The following PTPRU variants were observed in gnomAD, a reference collection of about 807,000 sequenced individuals.
PTPRU encodes the protein protein tyrosine phosphatase receptor type U, also known as receptor-type tyrosine-protein phosphatase U.
PTPRU carries 69 observed loss-of-function variants against 166.3 expected under a neutral mutation model. The observed-to-expected ratio is 0.41, with a 90% CI of 0.34 to 0.51. The LOEUF (loss-of-function observed/expected upper bound fraction) is 0.51, where lower values mean the gene tolerates loss of function less well. Among genes scored for constraint, PTPRU ranks in the 20% least tolerant of loss-of-function variants. The pLI is 0.09. For missense variants in PTPRU, 1,657 were observed against 2,013.7 expected, an observed-to-expected ratio of 0.82 and a Z score of 3.39; for synonymous variants, 793 against 814.0, an observed-to-expected ratio of 0.97 and a Z score of 0.44.
At chr1:29,245,930 G>A (rs1402371450) in intron 1 of PTPRU, among the ~76,000 whole-genome samples, 3 of 152,230 alleles carry the variant, frequency 2.0e-5, no homozygotes, top group African/African-American at 7.2e-5. Context: ...ACTCTTTTGG[G>A]GTTTGGGCAT....
intron 1 of PTPRU, among the ~76,000 whole-genome samples, chr1:29,245,055 C>G (rs1008625133): frequency 7.9e-5 from 12 of 152,184 alleles, no homozygotes; most frequent in Non-Finnish European, 1.5e-4. Context: ...CCTGCTCACC[C>G]TGTCCCAGGG....
intron 28 of PTPRU, among the ~76,000 whole-genome samples, 196 bp from the exon 29 acceptor site, chr1:29,324,995 T>C (rs1405245159): frequency 6.8e-6 from 1 of 147,938 alleles, no homozygotes; most frequent in Admixed American, 6.7e-5. Context: ...GCCCCTCTCC[T>C]CTAGGCTCTC....
At chr1:29,239,924 G>A (rs1163531987) in intron 1 of PTPRU, among the ~76,000 whole-genome samples, 2 of 152,224 alleles carry the variant, frequency 1.3e-5, no homozygotes, top group African/African-American at 4.8e-5. Context: ...CCTTCAGGGT[G>A]AAGTCCTTAT....
chr1:29,241,579 TTTTC>T (rs1403105345), intron 1 of PTPRU, among the ~76,000 whole-genome samples: 251 of 149,376 alleles, frequency 1.7e-3, no homozygotes, highest in African/African-American at 2.1e-3. Flanking sequence ...TATTTTTTTT[TTTTC>T]TTCTTCTTCT....
rs1186258146 is a variant in PTPRU, at chr1:29,317,376, C to G, written c.3514-372C>G. ...ACTGGTCAGCTAGTAAAGTTCCTCA[C>G]TGTGCCCGTGTGTGCCGAGCTCAGC... On this transcript the variant is annotated intron_variant, in intron 24 of 29. Coordinates refer to ENST00000373779, the MANE Select transcript of PTPRU (RefSeq NM_133178.4). This position sits in a 1 kb window ranked among gnomAD's most constrained non-coding sequence, Gnocchi z 5.6. Among the ~76,000 whole-genome samples, 1 of 152,144 alleles carries G rather than the reference C, an allele frequency of 6.6e-6. No individual in the cohort carries two copies. The highest frequency in any genetic ancestry group is 1.5e-5 in the Non-Finnish European group (1 of 68,026).
At chr1:29,322,639 G>T (rs182111591) in intron 26 of PTPRU, among the ~76,000 whole-genome samples, 1 of 152,262 alleles carries the variant, frequency 6.6e-6, no homozygotes, top group Non-Finnish European at 1.5e-5. Flanking sequence ...TGATGAGCAC[G>T]GTGTCTTTTT....
intron 1 of PTPRU, among the ~76,000 whole-genome samples, chr1:29,250,711 G>T (rs752852585): frequency 6.6e-6 from 1 of 152,146 alleles, no homozygotes; most frequent in Admixed American, 6.5e-5. Context: ...ACTCAAAGTC[G>T]GATTTAGTGG....
intron 1 of PTPRU, among the ~76,000 whole-genome samples, chr1:29,249,861 A>G (rs1199966856): frequency 6.6e-6 from 1 of 152,104 alleles, no homozygotes; most frequent in Non-Finnish European, 1.5e-5. Flanking sequence ...TTTCCTACTC[A>G]AACACCTACT....
At chr1:29,312,742 C>G in intron 22 of PTPRU, 36 bp downstream of exon 22, 1 of 1,578,130 alleles carries the variant, frequency 6.3e-7, no homozygotes, top group Non-Finnish European at 8.7e-7. Context: ...GAAAAGGGGC[C>G]CTTCTCCCTG....
chr1:29,298,959 C>G (rs115395070), intron 15 of PTPRU, among the ~76,000 whole-genome samples: 673 of 152,320 alleles, frequency 4.4e-3, no homozygotes, highest in Admixed American at 8.3e-3. Flanking sequence ...TTATTACAGG[C>G]TGTGCTTCTG....
intron 15 of PTPRU, among the ~76,000 whole-genome samples, chr1:29,298,822 T>C (rs754766213): frequency 1.3e-5 from 2 of 152,204 alleles, no homozygotes; most frequent in Non-Finnish European, 2.9e-5. Flanking sequence ...AGCTTAACTC[T>C]TCTGGGCCTC....
At chr1:29,296,186 C>T (rs954327814) in intron 15 of PTPRU, among the ~76,000 whole-genome samples, 18 of 152,128 alleles carry the variant, frequency 1.2e-4, no homozygotes, top group African/African-American at 4.3e-4. Context: ...CTGGTTGTAG[C>T]TGGAATCCTT....
At position 29,279,605 on chromosome 1, in the gene PTPRU, A is replaced by G. The variant is rs943913977; in HGVS notation, c.1713A>G (p.Thr571=). 9 of 1,613,894 alleles carry G rather than the reference A, an allele frequency of 5.6e-6. No individual in the cohort carries two copies. The highest frequency in any genetic ancestry group is 7.6e-6 in the Non-Finnish European group (9 of 1,180,032). Residue 571 remains threonine, a synonymous_variant, in exon 10 of 30, where the codon ACA becomes ACG. Transcript: ENST00000373779. The surrounding 1 kb of genome is among the most constrained non-coding windows in gnomAD (Gnocchi z 5.2). ...ACCTGTTCTCCGTGCGGGCCCGCAC[A>G]GGCAAAGGCTTCGGCCAGGCGGCAC... ...TTYLFSVRAR[T]GKGFGQAALT... is the part of the protein sequence containing the mutation.
At chr1:29,256,815 T>G (rs1459249073) in intron 2 of PTPRU, among the ~76,000 whole-genome samples, 1 of 152,156 alleles carries the variant, frequency 6.6e-6, no homozygotes, top group Non-Finnish European at 1.5e-5. Flanking sequence ...GGAATTCACC[T>G]CTTATAGTAC....
At position 29,317,810 on chromosome 1, in the gene PTPRU, G is replaced by A. The variant is rs1330066293; in HGVS notation, c.3576G>A (p.Arg1192=). ...AGTGCAGCATCGCCCTGTTGCCCCG[G>A]AACCGCGACAAGAACCGCAGCATGG... ...VEECSIALLP[R]NRDKNRSMDV... is the part of the protein sequence containing the mutation. Residue 1192 remains arginine (R), a synonymous_variant, in exon 25 of 30, where the codon CGG becomes CGA. Coordinates refer to ENST00000373779, the MANE Select transcript of PTPRU (RefSeq NM_133178.4). This position sits in a 1 kb window ranked among gnomAD's most constrained non-coding sequence, Gnocchi z 5.6. 6.2e-7 allele frequency: 1 copy of A among 1,613,284 alleles called. No homozygotes were observed. The highest frequency in any genetic ancestry group is 1.7e-5 in the Admixed American group (1 of 60,004).
chr1:29,286,222 CGTT>C (rs1404681735), intron 14 of PTPRU, among the ~76,000 whole-genome samples: 1 of 152,136 alleles, frequency 6.6e-6, no homozygotes, highest in Non-Finnish European at 1.5e-5. Flanking sequence ...TTTTTCCCCT[CGTT>C]GTTCCTGCAC....
chr1:29,274,062 G>A (rs1002266705), intron 7 of PTPRU, among the ~76,000 whole-genome samples: 3 of 152,008 alleles, frequency 2.0e-5, no homozygotes, highest in East Asian at 1.9e-4. Context: ...ACGGAGTCTC[G>A]CTCTGTTGCC....
In PTPRU at chr1:29,284,856, A is replaced by G. The variant is rs1428508088; in HGVS notation, c.2305A>G (p.Ile769Val). The G allele has an allele frequency of 3.1e-6, 5 of 1,612,208 alleles. No homozygotes were observed. The highest frequency in any genetic ancestry group is 4.2e-6 in the Non-Finnish European group (5 of 1,178,834). The change falls in exon 14 of 30, where the codon ATC (isoleucine) becomes GTC (valine). Residue 769 changes from isoleucine to valine, a missense_variant. Transcript: ENST00000373779. ...LILLLGAIIV[I>V]IRKGKPVNMT... ...CCTTCTCCTGGGTGCCATCATTGTC[A>G]TCATCCGCAAAGGGTGAGTGAGGCC...
chr1:29,257,823 C>T lies in PTPRU; in HGVS notation c.206-682C>T, dbSNP rs1684839803. Among the ~76,000 whole-genome samples, 1 of 152,170 alleles carries T rather than the reference C, an allele frequency of 6.6e-6. No individual in the cohort carries two copies. Among genetic ancestry groups the T allele is most frequent in the African/African-American group, 2.4e-5 (1 of 41,488 alleles). On this transcript the variant is annotated intron_variant, in intron 2 of 29. Coordinates refer to ENST00000373779, the MANE Select transcript of PTPRU (RefSeq NM_133178.4). The surrounding 1 kb of genome is among the most constrained non-coding windows in gnomAD (Gnocchi z 4.6). Reference sequence around the variant, plus strand: ...GAGGGAGGGCTTTGGAAGGGGTGGCCTTTGAGGGACTGTTGTGTGCCAAGC... The same window carrying T: ...GAGGGAGGGCTTTGGAAGGGGTGGCTTTTGAGGGACTGTTGTGTGCCAAGC...
Sources: gnomAD v4.1 joint callset for allele counts (sites outside exome capture counted in the v4.1 genomes callset) on GRCh38, gnomAD v4.1.1 for gene constraint, Gnocchi (gnomAD v3.1) non-coding constraint, MANE v1.5 for transcripts, NCBI Gene and HGNC (gene_info 2026-07-23, HGNC 2026-07-21) for gene names.